The following THSD4 variants were observed in gnomAD, a reference collection of about 807,000 sequenced individuals.
The protein encoded by THSD4 is thrombospondin type-1 domain-containing protein 4.
In THSD4, 69 loss-of-function variants were observed where a neutral mutation model predicts 119.0. The ratio of observed to expected loss-of-function variants is 0.58; its 90% confidence interval spans 0.48 to 0.71. The LOEUF (loss-of-function observed/expected upper bound fraction) is 0.71. Ranked by LOEUF, THSD4 falls within the 30% of genes least tolerant of loss-of-function variation. The pLI, the probability that THSD4 is intolerant of heterozygous loss-of-function variation, is 0.00. For synonymous variants in THSD4, 524 were observed against 540.4 expected (o/e 0.97, Z 0.42); for missense variants, 1,393 against 1,391.1 (o/e 1.00, Z -0.02).
intron 6 of THSD4, among the ~76,000 whole-genome samples, chr15:71,307,562 G>A (rs2045047782): frequency 6.6e-6 from 1 of 152,174 alleles, no homozygotes; most frequent in Admixed American, 6.5e-5. Context: ...ATGAGGACAG[G>A]AGTTCAAGAC....
intron 6 of THSD4, chr15:71,348,546 C>T (rs1228537840): frequency 6.6e-6 from 1 of 152,224 alleles, no homozygotes; most frequent in Non-Finnish European, 1.5e-5. Context: ...GGCAATGCCA[C>T]CACTCCAGAA....
At chr15:71,535,905 T>C (rs148555043) in intron 7 of THSD4, among the ~76,000 whole-genome samples, 2,391 of 152,334 alleles carry the variant, frequency 0.016, 27 homozygotes, top group Non-Finnish European at 0.024. Flanking sequence ...GATGGTATCA[T>C]TAGCAGCACC....
chr15:71,750,499 C>T (rs1449685158), intron 14 of THSD4, among the ~76,000 whole-genome samples: 4 of 152,226 alleles, frequency 2.6e-5, no homozygotes, highest in Non-Finnish European at 4.4e-5. Context: ...GACAAACCTG[C>T]AAATGCAGCC....
chr15:71,740,971 G>A (rs1426675029), intron 11 of THSD4, among the ~76,000 whole-genome samples: 2 of 152,100 alleles, frequency 1.3e-5, no homozygotes, highest in Non-Finnish European at 2.9e-5. Context: ...TATACACTTT[G>A]CAACTTCTGC....
chr15:71,299,426 C>T (rs927073113), intron 6 of THSD4, among the ~76,000 whole-genome samples: 3 of 152,180 alleles, frequency 2.0e-5, no homozygotes, highest in East Asian at 3.9e-4. Context: ...TGACAGCATG[C>T]GTGAATGTAG....
intron 6 of THSD4, among the ~76,000 whole-genome samples, chr15:71,330,099 A>T (rs1428407680): frequency 2.0e-5 from 3 of 151,808 alleles, no homozygotes; most frequent in Non-Finnish European, 2.9e-5. Flanking sequence ...AAAAAAAAAA[A>T]AAGACCACCA....
intron 7 of THSD4, among the ~76,000 whole-genome samples, chr15:71,624,496 T>C (rs1428314664): frequency 6.6e-6 from 1 of 152,256 alleles, no homozygotes; most frequent in Non-Finnish European, 1.5e-5. Context: ...TATATTTCTT[T>C]GCCATGGAGT....
intron 10 of THSD4, among the ~76,000 whole-genome samples, chr15:71,737,385 T>A (rs1474049241): frequency 1.3e-5 from 2 of 152,128 alleles, no homozygotes; most frequent in Non-Finnish European, 2.9e-5. Flanking sequence ...CAATCTTTGG[T>A]GTTAGGTGGT....
At chr15:71,397,870 C>T (rs1309463712) in intron 6 of THSD4, among the ~76,000 whole-genome samples, 1 of 152,188 alleles carries the variant, frequency 6.6e-6, no homozygotes, top group African/African-American at 2.4e-5. Flanking sequence ...TGCAGTGTCT[C>T]ACACAGTACT....
intron 7 of THSD4, among the ~76,000 whole-genome samples, chr15:71,497,277 C>G (rs2140718493): frequency 6.6e-6 from 1 of 152,294 alleles, no homozygotes; most frequent in East Asian, 1.9e-4. Context: ...CTCCGGGAGG[C>G]TGACACAGGC....
intron 3 of THSD4, chr15:71,185,625 A>T (rs180843375): frequency 6.6e-6 from 1 of 152,200 alleles, no homozygotes; most frequent in Non-Finnish European, 1.5e-5. Context: ...ATTTCTGAGT[A>T]GCATCGAGAA....
At chr15:71,261,472 G>T (rs1489703190) in intron 6 of THSD4, among the ~76,000 whole-genome samples, 1 of 152,312 alleles carries the variant, frequency 6.6e-6, no homozygotes, top group African/African-American at 2.4e-5. Context: ...CAACCAGTTT[G>T]TGTGATATAT....
intron 6 of THSD4, among the ~76,000 whole-genome samples, chr15:71,410,876 TAC>T (rs147641169): frequency 4.7e-5 from 7 of 150,364 alleles, no homozygotes; most frequent in Non-Finnish European, 7.4e-5. Flanking sequence ...TACTAAAAAA[TAC>T]ACACACACAC....
intron 6 of THSD4, among the ~76,000 whole-genome samples, chr15:71,270,825 ATC>A: frequency 6.7e-6 from 1 of 149,330 alleles, no homozygotes; most frequent in South Asian, 2.2e-4. Context: ...TCAGGTAGCC[ATC>A]TCTCTTTTTT....
In THSD4 at chr15:71,747,352, C is replaced by T. The variant is rs552928361; in HGVS notation, c.2241+310C>T. Among the ~76,000 whole-genome samples, 4 of 152,276 alleles carry T rather than the reference C, an allele frequency of 2.6e-5. No individual in the cohort carries two copies. In the South Asian group the frequency reaches 8.3e-4, roughly 32 times the overall value. ...CAACTGCTGGTAGAGCCAACTCCTT[C>T]CAATTTTCCCTACCCATTTTATAGC... On this transcript the variant is annotated intron_variant, in intron 13 of 17. Coordinates refer to ENST00000261862, the MANE Select transcript of THSD4 (RefSeq NM_024817.3).
intron 2 of THSD4, among the ~76,000 whole-genome samples, chr15:71,148,598 G>A (rs572849290): frequency 3.3e-5 from 5 of 152,186 alleles, no homozygotes; most frequent in African/African-American, 1.2e-4. Context: ...CTGGATGAAT[G>A]CAGCTTTATT....
At chr15:71,391,588 C>G (rs1327579894) in intron 6 of THSD4, among the ~76,000 whole-genome samples, 1 of 152,170 alleles carries the variant, frequency 6.6e-6, no homozygotes, top group Non-Finnish European at 1.5e-5. Context: ...ACACACCTGG[C>G]TATATTTATG....
At chr15:71,546,966 C>T (rs954161303) in intron 7 of THSD4, among the ~76,000 whole-genome samples, 13 of 152,336 alleles carry the variant, frequency 8.5e-5, no homozygotes, top group East Asian at 5.8e-4. Flanking sequence ...TGGCTCTCCC[C>T]GTTCCCAGCC....
intron 7 of THSD4, among the ~76,000 whole-genome samples, chr15:71,572,685 GCATAA>G (rs1670575243): frequency 6.6e-6 from 1 of 152,136 alleles, no homozygotes. Flanking sequence ...AGTTGGTTCA[GCATAA>G]TCTTAGGATT....
Sources: allele counts gnomAD v4.1 joint callset (sites outside exome capture counted in the v4.1 genomes callset), GRCh38; gene constraint gnomAD v4.1.1; transcripts MANE v1.5; gene names NCBI Gene and HGNC (gene_info 2026-07-23, HGNC 2026-07-21).